Variants in MKRN1 observed in about 807,000 individuals in gnomAD.
The protein encoded by MKRN1 is E3 ubiquitin-protein ligase makorin-1.
MKRN1 carries 9 observed loss-of-function variants against 55.5 expected under a neutral mutation model. The observed-to-expected ratio is 0.16, with a 90% CI of 0.10 to 0.28. MKRN1 has a LOEUF of 0.28. MKRN1 is among the 10% of genes least tolerant of loss of function. The pLI is 1.00. For missense variants in MKRN1, 488 were observed against 626.7 expected, an observed-to-expected ratio of 0.78 and a Z score of 2.36; for synonymous variants, 253 against 235.9, an observed-to-expected ratio of 1.07 and a Z score of -0.66.
At chr7:140,464,431 C>T (rs969931831) in intron 2 of MKRN1, among the ~76,000 whole-genome samples, 3 of 151,642 alleles carry the variant, frequency 2.0e-5, no homozygotes, top group East Asian at 2.0e-4. Context: ...AAGCCAGGCA[C>T]GGTGGCTCAC....
chr7:140,459,421 TAA>T (rs56916081), intron 3 of MKRN1, among the ~76,000 whole-genome samples, 188 bp from the exon 4 acceptor site: 27,984 of 148,446 alleles, frequency 0.19, 3,324 homozygotes, highest in African/African-American at 0.35. Context: ...ATTAGACTTG[TAA>T]AAAAAAAAAA....
Position 140,461,412 on chromosome 7 carries a change from G to C in MKRN1, c.315-1476C>G, listed in dbSNP as rs181306331. Among the ~76,000 whole-genome samples the C allele has an allele frequency of 1.0e-3, 159 of 152,242 alleles. 1 individual carries two copies. The highest frequency in any genetic ancestry group is 3.4e-3 in the African/African-American group (143 of 41,542). On this transcript the variant is annotated intron_variant, in intron 2 of 7. Coordinates refer to ENST00000255977, the MANE Select transcript of MKRN1 (RefSeq NM_013446.4). ...CATCCCAACACTTTGGAAGTCCAAGGAGGCCAGATCACTTAAGGCCAGGAG... is the reference window on the plus strand; with the variant it reads ...CATCCCAACACTTTGGAAGTCCAAGCAGGCCAGATCACTTAAGGCCAGGAG...
At chr7:140,467,112 G>A (rs943409269) in intron 2 of MKRN1, among the ~76,000 whole-genome samples, 2 of 151,996 alleles carry the variant, frequency 1.3e-5, no homozygotes, top group Admixed American at 1.3e-4. Context: ...AGAGTAGCTA[G>A]GATTACAGGC....
At chr7:140,455,290 C>A (rs1305994638) in intron 6 of MKRN1, 57 bp from the exon 7 acceptor site, 1 of 1,603,780 alleles carries the variant, frequency 6.2e-7, no homozygotes, top group African/African-American at 1.3e-5. Flanking sequence ...CTGTATTTGA[C>A]TATCATCCGG....
At chr7:140,472,338 C>G in intron 1 of MKRN1, 1 of 272,036 alleles carries the variant, frequency 3.7e-6, no homozygotes, top group Non-Finnish European at 7.2e-6. Context: ...GAGGCTGAGG[C>G]AGGAGAACTG....
chr7:140,458,664 T>C (rs963518267), intron 4 of MKRN1, among the ~76,000 whole-genome samples: 3 of 152,226 alleles, frequency 2.0e-5, no homozygotes, highest in African/African-American at 7.2e-5. Flanking sequence ...AAACATTATT[T>C]TTTAAAAGAG....
intron 2 of MKRN1, among the ~76,000 whole-genome samples, chr7:140,462,761 G>A (rs188313548): frequency 2.0e-5 from 3 of 152,094 alleles, no homozygotes; most frequent in Admixed American, 6.6e-5. Context: ...TCAGGAGATC[G>A]AGACCATCCT....
At chr7:140,474,004 AAAAAG>A (rs1195704000) in intron 1 of MKRN1, among the ~76,000 whole-genome samples, 117 of 93,640 alleles carry the variant, frequency 1.2e-3, no homozygotes, top group African/African-American at 6.4e-3. Flanking sequence ...AAAAAAAAAA[AAAAAG>A]AAAGAAAGAA....
intron 2 of MKRN1, among the ~76,000 whole-genome samples, chr7:140,466,867 A>C (rs897399826): frequency 6.6e-6 from 1 of 151,586 alleles, no homozygotes; most frequent in African/African-American, 2.4e-5. Context: ...TGGTGGTTGC[A>C]GTGAGTCGTG....
rs61226924 is a variant in MKRN1, at chr7:140,457,033, GT to G, written c.772-168del. 1.9e-3 allele frequency: 1,129 copies of G among 599,080 alleles called. 1 individual carries two copies. Among genetic ancestry groups the G allele is most frequent in the African/African-American group, 4.2e-3 (225 of 53,870 alleles). 37.1% of individuals were successfully genotyped at this position (599,080 alleles called of 1,614,324 possible). A position where few individuals can be genotyped will look rare whatever the true frequency, so the allele number is the denominator to read the frequency against. On this transcript the variant is annotated intron_variant, in intron 4 of 7. Transcript: ENST00000255977. ...GCTGACAAGTAAACACAGGTGTGGT[GT>G]TTTTTTTTTGTTTGTTTGTTTTTGC...
chr7:140,477,945 T>C (rs1206783309), intron 1 of MKRN1, among the ~76,000 whole-genome samples: 1 of 152,200 alleles, frequency 6.6e-6, no homozygotes. Context: ...TGACCTGAAA[T>C]TGCGTTTATG....
rs747393464 is a variant in MKRN1, at chr7:140,471,824, A to G, written c.314+59T>C. On this transcript the variant is annotated intron_variant, in intron 2 of 7. Coordinates refer to ENST00000255977, the MANE Select transcript of MKRN1 (RefSeq NM_013446.4). ...AGTGACATATAAAGCTATCAGAAGT[A>G]TGTCTTTTACCTTTTTCCTCCAACC... 11 of 1,583,338 alleles carry G rather than the reference A, an allele frequency of 6.9e-6. No individual in the cohort carries two copies. The African/African-American group carries it at 1.2e-4, about 18-fold the overall frequency.
intron 1 of MKRN1, among the ~76,000 whole-genome samples, chr7:140,477,925 A>G (rs1795173903): frequency 6.6e-6 from 1 of 152,246 alleles, no homozygotes; most frequent in Non-Finnish European, 1.5e-5. Context: ...CCACCGATGA[A>G]TAAGACAAGT....
At position 140,459,697 on chromosome 7, in the gene MKRN1, G is replaced by A; in HGVS notation, c.544+10C>T. 1 of 1,611,800 alleles carries A rather than the reference G, an allele frequency of 6.2e-7. No homozygotes were observed. The highest frequency in any genetic ancestry group is 8.5e-7 in the Non-Finnish European group (1 of 1,177,946). ...CCTCTAACTCTTATTTTCTTCTTCA[G>A]AATACTTACTACGGCCACAGTAGGG... is the stretch of plus-strand genomic sequence containing the variant. On this transcript the variant is annotated intron_variant, in intron 3 of 7. Coordinates refer to ENST00000255977, the MANE Select transcript of MKRN1 (RefSeq NM_013446.4).
chr7:140,471,904 C>A lies in MKRN1; in HGVS notation c.293G>T (p.Cys98Phe), dbSNP rs1362812980. Residue 98 changes from cysteine (C) to phenylalanine (F), a missense_variant, in exon 2 of 8, where the codon TGT becomes TTT. This residue lies in a region of MKRN1 where 210 missense variants were observed against 220.0 expected (regional missense o/e 0.95). Coordinates refer to ENST00000255977, the MANE Select transcript of MKRN1 (RefSeq NM_013446.4). ...TTACCTGCAGCGGTCTCCATAAATA[C>A]AGTACCCTCGCTGAAAATACTTGCA... ...VVCKYFQRGY[C>F]IYGDRCRYEH... 1.9e-6 allele frequency: 3 copies of A among 1,613,954 alleles called. No individual in the cohort carries two copies. Among genetic ancestry groups the A allele is most frequent in the Non-Finnish European group, 2.5e-6 (3 of 1,179,958 alleles).
At chr7:140,474,616 TATTA>T (rs970242157) in intron 1 of MKRN1, 1 of 156,526 alleles carries the variant, frequency 6.4e-6, no homozygotes, top group African/African-American at 2.4e-5. Flanking sequence ...ATTTAATATT[TATTA>T]CTTATTTCCT....
chr7:140,456,119 T>C (rs1794459512), intron 5 of MKRN1: 1 of 1,137,866 alleles, frequency 8.8e-7, no homozygotes, highest in Non-Finnish European at 1.1e-6. Context: ...AGTTCTTTTT[T>C]TTTTTTTTTG....
intron 4 of MKRN1, among the ~76,000 whole-genome samples, chr7:140,458,467 A>G (rs987648092): frequency 6.6e-6 from 1 of 152,232 alleles, no homozygotes; most frequent in Non-Finnish European, 1.5e-5. Context: ...ATCCAGAGAC[A>G]AAGCAGATTC....
chr7:140,455,926 T>C (rs771659901), intron 5 of MKRN1, 26 bp from the exon 6 acceptor site: 2 of 1,576,906 alleles, frequency 1.3e-6, no homozygotes, highest in Admixed American at 1.7e-5. Context: ...CAGGCTGCAA[T>C]GCAAATTCCC....
Sources: gnomAD v4.1 joint callset for allele counts (sites outside exome capture counted in the v4.1 genomes callset) on GRCh38, gnomAD v4.1.1 for gene constraint, gnomAD v4.1.1 regional missense constraint, MANE v1.5 for transcripts, NCBI Gene and HGNC (gene_info 2026-07-23, HGNC 2026-07-21) for gene names.